The following CRTAC1 variants were observed in gnomAD, a reference collection of about 807,000 sequenced individuals.
CRTAC1 encodes cartilage acidic protein 1.
CRTAC1 carries 37 observed loss-of-function variants against 67.8 expected under a neutral mutation model. That is an observed-to-expected ratio of 0.55 (90% CI 0.42 to 0.72). CRTAC1 has a LOEUF of 0.72. Ranked by LOEUF, CRTAC1 falls within the 30% of genes least tolerant of loss-of-function variation. The pLI, the probability that CRTAC1 is intolerant of heterozygous loss-of-function variation, is 0.00. For missense variants in CRTAC1, 780 were observed against 931.6 expected (o/e 0.84, Z 2.12); for synonymous variants, 348 against 371.0 (o/e 0.94, Z 0.71).
At chr10:97,946,451 G>T (rs1420475392) in intron 2 of CRTAC1, among the ~76,000 whole-genome samples, 5 of 152,160 alleles carry the variant, frequency 3.3e-5, no homozygotes, top group African/African-American at 4.8e-5. Flanking sequence ...GGACCAGAGG[G>T]GAGATTGTGT....
rs2051779828 is a variant in CRTAC1, at chr10:97,975,219, T to C, written c.224+35919A>G. 1.3e-5 allele frequency among the ~76,000 whole-genome samples: 2 copies of C among 152,116 alleles called. No individual in the cohort carries two copies. Among genetic ancestry groups the C allele is most frequent in the South Asian group, 2.1e-4 (1 of 4,824 alleles). ...TTATATGTCGGCATTTAACACAAAA[T>C]GCTCTTGGCTCAATCCCAGGTCGCA... On this transcript the variant is annotated intron_variant, in intron 2 of 14. Coordinates refer to ENST00000370597, the MANE Select transcript of CRTAC1 (RefSeq NM_018058.7). The surrounding 1 kb of genome is among the most constrained non-coding windows in gnomAD (Gnocchi z 4.8).
chr10:97,967,456 T>G (rs545477411), intron 2 of CRTAC1, among the ~76,000 whole-genome samples: 1 of 152,338 alleles, frequency 6.6e-6, no homozygotes, highest in African/African-American at 2.4e-5. Flanking sequence ...AGAATGGTAT[T>G]AGAAACCAAG....
At chr10:97,884,654 T>C (rs760491252) in intron 11 of CRTAC1, 5 of 321,674 alleles carry the variant, frequency 1.6e-5, no homozygotes, top group Non-Finnish European at 2.8e-5. Context: ...AGAGGTGAAT[T>C]TTCAATTTTA....
chr10:97,960,213 C>T (rs2051504666), intron 2 of CRTAC1, among the ~76,000 whole-genome samples: 1 of 152,258 alleles, frequency 6.6e-6, no homozygotes, highest in African/African-American at 2.4e-5. Context: ...GGACAGCAGT[C>T]CCAGCCCCGC....
At chr10:98,024,672 T>G (rs960228170) in intron 1 of CRTAC1, among the ~76,000 whole-genome samples, 2 of 151,936 alleles carry the variant, frequency 1.3e-5, no homozygotes, top group African/African-American at 2.4e-5. Flanking sequence ...AGGAAAATTT[T>G]AATTTTTTTA....
At chr10:97,955,275 G>T (rs1481615144) in intron 2 of CRTAC1, among the ~76,000 whole-genome samples, 1 of 152,214 alleles carries the variant, frequency 6.6e-6, no homozygotes, top group Non-Finnish European at 1.5e-5. Flanking sequence ...AGTAGAAGAG[G>T]GGGAGAAAGA....
At position 97,975,419 on chromosome 10, in the gene CRTAC1, G is replaced by A. The variant is rs1171213181; in HGVS notation, c.224+35719C>T. ...GATGCTGGCTGCATGGGGCGTGGAG[G>A]GGCGGGATGGGGAGCCGGCAGACCT... On this transcript the variant is annotated intron_variant, in intron 2 of 14. Coordinates refer to ENST00000370597, the MANE Select transcript of CRTAC1 (RefSeq NM_018058.7). The surrounding 1 kb of genome is among the most constrained non-coding windows in gnomAD (Gnocchi z 4.8). Among the ~76,000 whole-genome samples the A allele has an allele frequency of 2.0e-5, 3 of 152,084 alleles. No homozygotes were observed. The highest frequency in any genetic ancestry group is 4.4e-5 in the Non-Finnish European group (3 of 68,008).
intron 5 of CRTAC1, among the ~76,000 whole-genome samples, chr10:97,914,167 C>A (rs1433410485): frequency 6.6e-6 from 1 of 152,146 alleles, no homozygotes; most frequent in Non-Finnish European, 1.5e-5. Flanking sequence ...GAGAGATGGA[C>A]CCCAGAGGGG....
At chr10:98,003,789 G>A (rs994489673) in intron 2 of CRTAC1, among the ~76,000 whole-genome samples, 1 of 152,192 alleles carries the variant, frequency 6.6e-6, no homozygotes, top group African/African-American at 2.4e-5. Flanking sequence ...ATGTGTGCAT[G>A]TGTGTCTGTC....
chr10:98,028,343 T>C (rs1590307918), intron 1 of CRTAC1, among the ~76,000 whole-genome samples: 1 of 152,360 alleles, frequency 6.6e-6, no homozygotes, highest in African/African-American at 2.4e-5. Context: ...TCAGTGGTCC[T>C]GAGCCAGGTA....
intron 2 of CRTAC1, among the ~76,000 whole-genome samples, chr10:97,937,706 G>A (rs2051111260): frequency 2.0e-5 from 3 of 152,202 alleles, no homozygotes; most frequent in Admixed American, 2.0e-4. Context: ...GGGCCCTGCA[G>A]GAAGTCGGTG....
In CRTAC1 at chr10:97,908,143, G is replaced by A. The variant is rs141057121; in HGVS notation, c.720C>T (p.Gly240=). ...AEAGVSKYTG[G]RGVSVGPILS... is the part of the protein sequence containing the mutation. The stretch of plus-strand genomic sequence containing the variant: ...GGATGGGGCCCACGCTGACGCCTCG[G>A]CCCCCTAGAAAAGACATCGACCCAC... The change falls in exon 6 of 15, where the codon GGC becomes GGT. Residue 240 remains glycine, a synonymous_variant. Coordinates refer to ENST00000370597, the MANE Select transcript of CRTAC1 (RefSeq NM_018058.7). 1,177 of 1,613,968 alleles carry A rather than the reference G, an allele frequency of 7.3e-4. 7 individuals are homozygous for A. In the African/African-American group the frequency reaches 0.012, roughly 17 times the overall value.
intron 9 of CRTAC1, 110 bp downstream of exon 9, chr10:97,896,799 C>T: frequency 1.5e-6 from 1 of 670,350 alleles, no homozygotes; most frequent in Admixed American, 2.9e-5. Context: ...GTGGCAGGGA[C>T]AGGAGTGGCT....
At chr10:97,994,289 T>C (rs553666310) in intron 2 of CRTAC1, among the ~76,000 whole-genome samples, 75 of 152,348 alleles carry the variant, frequency 4.9e-4, no homozygotes, top group African/African-American at 1.8e-3. Flanking sequence ...CCAACTGTTT[T>C]TATATATTCT....
At chr10:98,012,947 A>T (rs1842934651) in intron 1 of CRTAC1, among the ~76,000 whole-genome samples, 1 of 152,224 alleles carries the variant, frequency 6.6e-6, no homozygotes, top group Non-Finnish European at 1.5e-5. Context: ...TGCATCATGA[A>T]TCACTACAAG....
intron 2 of CRTAC1, among the ~76,000 whole-genome samples, chr10:97,945,730 A>G (rs957796003): frequency 6.6e-6 from 1 of 152,128 alleles, no homozygotes; most frequent in Non-Finnish European, 1.5e-5. Flanking sequence ...AGTGGAGAAG[A>G]CTCCACAAAT....
At chr10:97,871,963 C>G (rs2050097662) in intron 14 of CRTAC1, among the ~76,000 whole-genome samples, 1 of 152,178 alleles carries the variant, frequency 6.6e-6, no homozygotes, top group African/African-American at 2.4e-5. Context: ...GAGAACAGTG[C>G]TGAGTGAGGC....
chr10:98,018,422 C>T (rs139778056), intron 1 of CRTAC1, among the ~76,000 whole-genome samples: 6 of 152,106 alleles, frequency 3.9e-5, no homozygotes, highest in Admixed American at 1.3e-4. Context: ...AAGGCCTCTC[C>T]AGGGCCAGGC....
Position 97,920,156 on chromosome 10 carries a change from G to A in CRTAC1, c.559-2500C>T, listed in dbSNP as rs567887369. On this transcript the variant is annotated intron_variant, in intron 4 of 14. Coordinates refer to ENST00000370597, the MANE Select transcript of CRTAC1 (RefSeq NM_018058.7). ...ATGAAGGGGCCAAAGAGGAAAGTGCGCCATCACAAACCCTTCCCGACCCTA... is the reference window on the plus strand; with the variant it reads ...ATGAAGGGGCCAAAGAGGAAAGTGCACCATCACAAACCCTTCCCGACCCTA... 2.3e-3 allele frequency among the ~76,000 whole-genome samples: 350 copies of A among 152,268 alleles called. 2 individuals carry two copies. The highest frequency in any genetic ancestry group is 4.0e-3 in the Non-Finnish European group (275 of 68,022).
Sources: allele counts gnomAD v4.1 joint callset (sites outside exome capture counted in the v4.1 genomes callset), GRCh38; gene constraint gnomAD v4.1.1; non-coding constraint Gnocchi (gnomAD v3.1); transcripts MANE v1.5; gene names NCBI Gene and HGNC (gene_info 2026-07-23, HGNC 2026-07-21).